RNF212: variants seen among roughly 807,000 people sequenced by gnomAD.
The protein encoded by RNF212 is probable E3 SUMO-protein ligase RNF212.
Under a neutral mutation model 34.7 loss-of-function variants are expected in RNF212, and 33 were observed. The observed-to-expected ratio is 0.95, with a 90% CI of 0.72 to 1.27. RNF212 has a LOEUF of 1.27. Among genes scored for constraint, RNF212 ranks in the 50% most tolerant of loss-of-function variants. RNF212 has a pLI of 0.00. For missense variants in RNF212, 377 were observed against 362.2 expected, an observed-to-expected ratio of 1.04 and a Z score of -0.33; for synonymous variants, 140 against 136.1, an observed-to-expected ratio of 1.03 and a Z score of -0.20.
intron 3 of RNF212, among the ~76,000 whole-genome samples, chr4:1,061,300 G>T (rs892713635): frequency 6.6e-6 from 1 of 152,200 alleles, no homozygotes; most frequent in Non-Finnish European, 1.5e-5. Context: ...GCTTCCAGAG[G>T]GGGTGGGCTC....
At chr4:1,077,107 A>T (rs1719433364) in intron 8 of RNF212, among the ~76,000 whole-genome samples, 1 of 152,222 alleles carries the variant, frequency 6.6e-6, no homozygotes, top group Non-Finnish European at 1.5e-5. Flanking sequence ...GCGTGCCTGT[A>T]GTCCCAGCTA....
chr4:1,082,569 C>T (rs1720526432), intron 5 of RNF212, among the ~76,000 whole-genome samples: 1 of 152,218 alleles, frequency 6.6e-6, no homozygotes, highest in Non-Finnish European at 1.5e-5. Context: ...CCACTGGGGC[C>T]TCCGCTCTGA....
At chr4:1,080,952 C>T (rs898395404) in intron 7 of RNF212, among the ~76,000 whole-genome samples, 4 of 152,246 alleles carry the variant, frequency 2.6e-5, no homozygotes, top group Admixed American at 2.0e-4. Context: ...ATGGGGCAGA[C>T]ACAAGCCACA....
intron 2 of RNF212, chr4:1,107,121 A>G (rs1825092): frequency 0.81 from 123,491 of 151,574 alleles, 51,932 homozygotes; most frequent in East Asian, 1. Context: ...GTGTGATCTC[A>G]GCTCACCACA....
rs373427911 is a variant in RNF212 at position 1,094,220 on chromosome 4, C to T, written c.246+2545G>A. Among the ~76,000 whole-genome samples the T allele has an allele frequency of 2.0e-3, 301 of 152,272 alleles. 2 individuals are homozygous for T. Among genetic ancestry groups the T allele is most frequent in the Non-Finnish European group, 3.4e-3 (230 of 68,018 alleles). On this transcript the variant is annotated intron_variant, in intron 3 of 9. Coordinates refer to ENST00000433731, the MANE Select transcript of RNF212 (RefSeq NM_001131034.4). ...CAGGTGGGGTGGCCAACGGTGGGAG[C>T]TGCACTCTTCACGGAAGAGGGAAAG...
chr4:1,090,134 G>C (rs1721957039), intron 4 of RNF212, among the ~76,000 whole-genome samples: 1 of 150,398 alleles, frequency 6.6e-6, no homozygotes, highest in Non-Finnish European at 1.5e-5. Context: ...GACAGGGATG[G>C]GGTACCAAGA....
intron 5 of RNF212, among the ~76,000 whole-genome samples, chr4:1,082,685 C>T (rs973313640): frequency 1.3e-5 from 2 of 152,200 alleles, no homozygotes; most frequent in Non-Finnish European, 2.9e-5. Context: ...CACTTTCTGC[C>T]TCCTCTTCCC....
chr4:1,080,875 A>G (rs922498578), intron 7 of RNF212, among the ~76,000 whole-genome samples: 1 of 152,208 alleles, frequency 6.6e-6, no homozygotes, highest in Admixed American at 6.5e-5. Flanking sequence ...TTTCTCTGGG[A>G]TGCTGGAGGG....
Position 1,072,516 on chromosome 4 carries a change from G to T in RNF212, c.*358C>A. 3.6e-6 allele frequency: 1 copy of T among 275,984 alleles called. No individual in the cohort carries two copies. The highest frequency in any genetic ancestry group is 6.2e-6 in the Non-Finnish European group (1 of 162,384). 17.1% of individuals were successfully genotyped at this position (275,984 alleles called of 1,614,324 possible). A position where few individuals can be genotyped will look rare whatever the true frequency, so the allele number is the denominator to read the frequency against. On this transcript the variant is annotated 3_prime_UTR_variant, in exon 10 of 10. Transcript: ENST00000433731. ...GCGTGTGTGGAGTCATGGTGTATAT[G>T]GGAAATCTGTACCTTCCTTTCAATT...
At chr4:1,062,655 G>A (rs574614728) in intron 3 of RNF212, among the ~76,000 whole-genome samples, 3 of 152,156 alleles carry the variant, frequency 2.0e-5, no homozygotes, top group Non-Finnish European at 2.9e-5. Flanking sequence ...CAGAGAGGGC[G>A]GTTAGGCGAG....
At chr4:1,059,547 C>T (rs1240781304) in intron 3 of RNF212, among the ~76,000 whole-genome samples, 2 of 152,176 alleles carry the variant, frequency 1.3e-5, no homozygotes, top group Non-Finnish European at 2.9e-5. Flanking sequence ...GCCTGGGCGG[C>T]CTGTTCCACT....
In RNF212 at chr4:1,072,564, C is replaced by T. The variant is rs947440893; in HGVS notation, c.*310G>A. On this transcript the variant is annotated 3_prime_UTR_variant, in exon 10 of 10. Coordinates refer to ENST00000433731, the MANE Select transcript of RNF212 (RefSeq NM_001131034.4). ...ATTTTTCTGTGAACCTAAAACTGCTCTAAGAAAAAGTTTTAAAAACCACCC... is the reference window on the plus strand; with the variant it reads ...ATTTTTCTGTGAACCTAAAACTGCTTTAAGAAAAAGTTTTAAAAACCACCC... 1.2e-5 allele frequency: 8 copies of T among 681,910 alleles called. No homozygotes were observed. In the Admixed American group the frequency reaches 4.1e-4, roughly 35 times the overall value. 42.2% of individuals were successfully genotyped at this position (681,910 alleles called of 1,614,324 possible).
chr4:1,067,866 T>C (rs1178038818), downstream of RNF212, among the ~76,000 whole-genome samples: 1 of 116,630 alleles, frequency 8.6e-6, no homozygotes, highest in African/African-American at 3.8e-5. Flanking sequence ...AGACTCTGTC[T>C]CAAAAAAAAA....
chr4:1,098,520 GA>G (rs1160397774), intron 2 of RNF212, among the ~76,000 whole-genome samples: 3 of 152,126 alleles, frequency 2.0e-5, no homozygotes, highest in Admixed American at 1.3e-4. Flanking sequence ...AGACCCAACA[GA>G]GGGGAGACCT....
chr4:1,067,560 G>A (rs1016780515), downstream of RNF212, among the ~76,000 whole-genome samples: 1 of 152,096 alleles, frequency 6.6e-6, no homozygotes, highest in Admixed American at 6.6e-5. Flanking sequence ...AAATCCCACC[G>A]TAAAAAATAA....
At chr4:1,064,946 C>T (rs1414947162) in intron 3 of RNF212, among the ~76,000 whole-genome samples, 3 of 152,216 alleles carry the variant, frequency 2.0e-5, no homozygotes, top group Non-Finnish European at 4.4e-5. Flanking sequence ...CCTCAATGTT[C>T]ATCCACGCGG....
At chr4:1,084,538 TG>T (rs572883110) in intron 5 of RNF212, among the ~76,000 whole-genome samples, 60 of 151,830 alleles carry the variant, frequency 4.0e-4, no homozygotes, top group African/African-American at 1.3e-3. Context: ...AAGACTAGCC[TG>T]GGTAACATAG....
At chr4:1,098,499 C>T (rs1288564480) in intron 2 of RNF212, among the ~76,000 whole-genome samples, 4 of 152,172 alleles carry the variant, frequency 2.6e-5, no homozygotes, top group Admixed American at 2.6e-4. Flanking sequence ...TCCTCTGTAA[C>T]AGGGGGACTG....
In RNF212 at chr4:1,080,797, TCCTATCACAGGGG is replaced by T. The variant is rs532299625; in HGVS notation, c.464+609_464+621del. Among the ~76,000 whole-genome samples the T allele has an allele frequency of 8.7e-4, 132 of 152,334 alleles. 2 individuals are homozygous for T. In the Middle Eastern group the frequency reaches 0.017, roughly 20 times the overall value. The stretch of plus-strand genomic sequence containing the variant: ...TGTAAGTAATAAATCTGAATGTGTT[TCCTATCACAGGGG>T]TGGACTGAATTTGTGCCTTCCATCT... On this transcript the variant is annotated intron_variant, in intron 7 of 9. Transcript: ENST00000433731.
Sources: gnomAD v4.1 joint callset for allele counts (sites outside exome capture counted in the v4.1 genomes callset) on GRCh38, gnomAD v4.1.1 for gene constraint, MANE v1.5 for transcripts, NCBI Gene and HGNC (gene_info 2026-07-23, HGNC 2026-07-21) for gene names.